The following CSF2RB variants were observed in gnomAD, a reference collection of about 807,000 sequenced individuals.
The protein encoded by CSF2RB is colony stimulating factor 2 receptor subunit beta, also known as cytokine receptor common subunit beta.
A neutral mutation model predicts 67.2 loss-of-function variants in CSF2RB; 22 were observed. The observed-to-expected ratio is 0.33, with a 90% CI of 0.23 to 0.47. The LOEUF (loss-of-function observed/expected upper bound fraction) is 0.47. CSF2RB is among the 20% of genes least tolerant of loss of function. The probability of loss-of-function intolerance (pLI) is 1.00; values close to 1 mark genes in which losing one functional copy is unlikely to be tolerated. For synonymous variants in CSF2RB, 507 were observed against 482.9 expected, an observed-to-expected ratio of 1.05 and a Z score of -0.65; for missense variants, 1,113 against 1,174.5, an observed-to-expected ratio of 0.95 and a Z score of 0.76.
chr22:36,926,275 C>A, intron 4 of CSF2RB, 98 bp downstream of exon 4: 1 of 1,268,744 alleles, frequency 7.9e-7, no homozygotes, highest in Non-Finnish European at 1.1e-6. Context: ...AAGGCTGTGG[C>A]TTGGGGTTGG....
chr22:36,931,879 G>A (rs994779357), intron 8 of CSF2RB, among the ~76,000 whole-genome samples: 2 of 152,160 alleles, frequency 1.3e-5, no homozygotes, highest in Non-Finnish European at 2.9e-5. Context: ...ATTTTCTGGC[G>A]ATGAGAACGT....
At chr22:36,925,552 C>T (rs969179806) in intron 3 of CSF2RB, among the ~76,000 whole-genome samples, 1 of 152,160 alleles carries the variant, frequency 6.6e-6, no homozygotes, top group Non-Finnish European at 1.5e-5. Flanking sequence ...TGGTTTTAGG[C>T]CAAGCCACGC....
At chr22:36,916,431 A>T (rs941664636) in intron 1 of CSF2RB, among the ~76,000 whole-genome samples, 1 of 152,138 alleles carries the variant, frequency 6.6e-6, no homozygotes, top group Non-Finnish European at 1.5e-5. Flanking sequence ...TGCCCCTATT[A>T]CATCCTAGGC....
At position 36,922,044 on chromosome 22, in the gene CSF2RB, G is replaced by T. The variant is rs994500529; in HGVS notation, c.-164G>T. The T allele has an allele frequency of 3.1e-6, 2 of 644,168 alleles. No individual in the cohort carries two copies. Among genetic ancestry groups the T allele is most frequent in the Non-Finnish European group, 5.6e-6 (2 of 357,188 alleles). The allele number at this position is 644,168 out of a possible 1,614,324, so 39.9% of individuals were successfully genotyped here. On this transcript the variant is annotated 5_prime_UTR_variant, in exon 2 of 14. Coordinates refer to ENST00000403662, the MANE Select transcript of CSF2RB (RefSeq NM_000395.3). ...GACATCTCCTTCTGCAGGCCTGGAG[G>T]AGGCAGAGGCCAGGAGGGAGAGGTC...
intron 8 of CSF2RB, among the ~76,000 whole-genome samples, chr22:36,932,053 A>T (rs1199526039): frequency 6.6e-6 from 1 of 152,230 alleles, no homozygotes; most frequent in Non-Finnish European, 1.5e-5. Context: ...CCTGTTTGTG[A>T]AAAGTGAAGG....
At chr22:36,936,945 G>A (rs1272443117) in intron 13 of CSF2RB, among the ~76,000 whole-genome samples, 2 of 152,154 alleles carry the variant, frequency 1.3e-5, no homozygotes, top group Non-Finnish European at 2.9e-5. Flanking sequence ...TCATGGGGTA[G>A]CTGGGGCTGC....
In CSF2RB at chr22:36,939,680, G is replaced by A. The variant is rs1941347603; in HGVS notation, c.*1178G>A. ...CATTAAGGTCTTTCTTCTGTTGGGT[G>A]CTATCATTTTCTGATTAAGTCTTTT... On this transcript the variant is annotated 3_prime_UTR_variant, in exon 14 of 14. Transcript: ENST00000403662. 1 of 174,012 alleles carries A rather than the reference G, an allele frequency of 5.7e-6. No homozygotes were observed. The highest frequency in any genetic ancestry group is 1.3e-4 in the South Asian group (1 of 7,736). The allele number at this position is 174,012 out of a possible 1,614,324, so 10.8% of individuals were successfully genotyped here.
In CSF2RB at chr22:36,938,283, C is replaced by G; in HGVS notation, c.2475C>G (p.Leu825=). 1 of 1,614,206 alleles carries G rather than the reference C, an allele frequency of 6.2e-7. No individual in the cohort carries two copies. Among genetic ancestry groups the G allele is most frequent in the Non-Finnish European group, 8.5e-7 (1 of 1,180,022 alleles). Residue 825 remains leucine (L), a synonymous_variant, in exon 14 of 14, where the codon CTC becomes CTG. Coordinates refer to ENST00000403662, the MANE Select transcript of CSF2RB (RefSeq NM_000395.3). ...VLQQVGDYCF[L]PGLGPGPLSL... is the part of the protein sequence containing the mutation. ...AGCAAGTGGGCGACTATTGCTTCCT[C>G]CCCGGCCTGGGGCCCGGCCCTCTCT...
At chr22:36,919,262 A>T (rs966519016) in intron 1 of CSF2RB, among the ~76,000 whole-genome samples, 3 of 152,138 alleles carry the variant, frequency 2.0e-5, no homozygotes, top group Admixed American at 2.0e-4. Flanking sequence ...CCTGCTTCTG[A>T]ATGCTGGAAT....
At chr22:36,921,751 C>T (rs773724695) in intron 1 of CSF2RB, among the ~76,000 whole-genome samples, 12 of 152,296 alleles carry the variant, frequency 7.9e-5, no homozygotes, top group Middle Eastern at 3.4e-3. Context: ...TGGCATCCAA[C>T]AGCCGTGGAC....
intron 4 of CSF2RB, among the ~76,000 whole-genome samples, chr22:36,927,532 A>G (rs1235875037): frequency 2.0e-5 from 3 of 152,192 alleles, no homozygotes; most frequent in Admixed American, 1.3e-4. Flanking sequence ...TCAGAAGGGC[A>G]TGGGCAGCTG....
intron 2 of CSF2RB, 130 bp downstream of exon 2, chr22:36,922,413 C>G (rs898444544): frequency 7.5e-6 from 6 of 803,852 alleles, no homozygotes; most frequent in African/African-American, 6.8e-5. Context: ...TGTCTCTCCC[C>G]CTGGCCTTCC....
Position 36,938,493 on chromosome 22 carries a change from G to A in CSF2RB, c.2685G>A (p.Glu895=), listed in dbSNP as rs755136532. The A allele has an allele frequency of 1.2e-6, 2 of 1,612,632 alleles. No individual in the cohort carries two copies. The highest frequency in any genetic ancestry group is 1.1e-5 in the South Asian group (1 of 91,062). ...LPPWEVNKPG[E]VC Reference sequence around the variant, plus strand: ...CTTGGGAGGTCAACAAGCCTGGGGAGGTGTGTTGAGACCCCCAGGCCTAGA... The same window carrying A: ...CTTGGGAGGTCAACAAGCCTGGGGAAGTGTGTTGAGACCCCCAGGCCTAGA... The change falls in exon 14 of 14, where the codon GAG becomes GAA. Residue 895 remains glutamate, a synonymous_variant. Coordinates refer to ENST00000403662, the MANE Select transcript of CSF2RB (RefSeq NM_000395.3).
rs16846 is a variant in CSF2RB, at chr22:36,929,791, C to T, written c.702C>T (p.Cys234=). The T allele has an allele frequency of 0.036, 57,621 of 1,613,734 alleles. 1,309 individuals carry two copies. Among genetic ancestry groups the T allele is most frequent in the Middle Eastern group, 0.14 (848 of 6,052 alleles). ...CCAGCAAGTGGAGCCCAGAGGTTTG[C>T]TGGGACTCCCAGCCAGGTAATGTTG... ...GRPSKWSPEV[C]WDSQPGDEAQ... Residue 234 remains cysteine (C), a synonymous_variant, in exon 6 of 14, where the codon TGC becomes TGT. Transcript: ENST00000403662.
chr22:36,935,826 G>A, intron 12 of CSF2RB, 139 bp downstream of exon 12: 1 of 945,946 alleles, frequency 1.1e-6, no homozygotes, highest in Non-Finnish European at 1.6e-6. Flanking sequence ...AGCTTTGGGA[G>A]TGGGGCCAGC....
intron 1 of CSF2RB, among the ~76,000 whole-genome samples, chr22:36,915,334 C>T (rs752677770): frequency 6.6e-6 from 1 of 152,034 alleles, no homozygotes; most frequent in Non-Finnish European, 1.5e-5. Flanking sequence ...ATCCGCCTGT[C>T]TCAGCCTCCC....
chr22:36,929,345 C>G, intron 4 of CSF2RB, 57 bp from the exon 5 acceptor site: 5 of 1,612,540 alleles, frequency 3.1e-6, no homozygotes, highest in Non-Finnish European at 4.2e-6. Context: ...GCCATGCAGG[C>G]CCTGACTGCC....
At chr22:36,923,894 GCTCTCC>G in intron 3 of CSF2RB, 5 of 784,062 alleles carry the variant, frequency 6.4e-6, no homozygotes, top group Non-Finnish European at 5.6e-6. Context: ...GGGGCTCCGC[GCTCTCC>G]CAGGCCCCCC....
chr22:36,923,468 G>A (rs529380577), intron 3 of CSF2RB, 101 bp downstream of exon 3: 19 of 1,508,356 alleles, frequency 1.3e-5, no homozygotes, highest in Admixed American at 3.9e-5. Context: ...GGTCAGCCTC[G>A]GGGTGGGAGT....
Sources: allele counts gnomAD v4.1 joint callset (sites outside exome capture counted in the v4.1 genomes callset), GRCh38; gene constraint gnomAD v4.1.1; transcripts MANE v1.5; gene names NCBI Gene and HGNC (gene_info 2026-07-23, HGNC 2026-07-21).